The following CDKAL1 variants were observed in gnomAD, a reference collection of about 807,000 sequenced individuals.
CDKAL1 encodes the protein CDKAL1 threonylcarbamoyladenosine tRNA methylthiotransferase.
In CDKAL1, 32 loss-of-function variants were observed where a neutral mutation model predicts 68.2. The observed-to-expected ratio is 0.47, with a 90% CI of 0.35 to 0.63. CDKAL1 has a LOEUF of 0.63. Among genes scored for constraint, CDKAL1 ranks in the 30% least tolerant of loss-of-function variants. CDKAL1 has a pLI of 0.00. For missense variants in CDKAL1, 606 were observed against 696.7 expected (o/e 0.87, Z 1.47); for synonymous variants, 234 against 244.3 (o/e 0.96, Z 0.39).
At chr6:21,206,168 C>G (rs780114085) in intron 15 of CDKAL1, among the ~76,000 whole-genome samples, 25 of 152,142 alleles carry the variant, frequency 1.6e-4, no homozygotes, top group Non-Finnish European at 2.8e-4. Context: ...TCCATACTGC[C>G]TTGCCCATTT....
At chr6:20,977,500 T>G (rs1032854413) in intron 10 of CDKAL1, among the ~76,000 whole-genome samples, 2 of 152,198 alleles carry the variant, frequency 1.3e-5, no homozygotes, top group African/African-American at 4.8e-5. Flanking sequence ...TCTTTGGAAG[T>G]AGAAGTGATG....
chr6:20,735,685 T>G (rs1773159469), intron 5 of CDKAL1, among the ~76,000 whole-genome samples: 1 of 152,234 alleles, frequency 6.6e-6, no homozygotes, highest in African/African-American at 2.4e-5. Context: ...AAAATAAGCT[T>G]TCGCCTATTT....
intron 5 of CDKAL1, among the ~76,000 whole-genome samples, chr6:20,680,163 G>A (rs1220324998): frequency 6.6e-6 from 1 of 151,976 alleles, no homozygotes; most frequent in Non-Finnish European, 1.5e-5. Context: ...CACCTCCCAG[G>A]TCAAGTGTTT....
At chr6:20,947,416 C>A (rs776265623) in intron 9 of CDKAL1, among the ~76,000 whole-genome samples, 1 of 151,976 alleles carries the variant, frequency 6.6e-6, no homozygotes, top group Non-Finnish European at 1.5e-5. Flanking sequence ...CATGGTGAAA[C>A]CCTGTCTCTA....
At chr6:21,098,416 G>A (rs1773420362) in intron 12 of CDKAL1, among the ~76,000 whole-genome samples, 1 of 151,996 alleles carries the variant, frequency 6.6e-6, no homozygotes, top group Admixed American at 6.6e-5. Flanking sequence ...ATAGATTGAA[G>A]TGTTGTGTCA....
chr6:21,192,173 CA>C (rs1390613982), intron 13 of CDKAL1, among the ~76,000 whole-genome samples: 1 of 148,962 alleles, frequency 6.7e-6, no homozygotes, highest in African/African-American at 2.5e-5. Context: ...AGGCGCCCAC[CA>C]CCGCGCCCGG....
At chr6:20,845,004 T>C (rs748456876) in intron 8 of CDKAL1, among the ~76,000 whole-genome samples, 1 of 152,238 alleles carries the variant, frequency 6.6e-6, no homozygotes, top group Non-Finnish European at 1.5e-5. Context: ...CGTTTTAAAA[T>C]GTATGTTACT....
At chr6:21,160,681 G>A (rs1393403038) in intron 13 of CDKAL1, among the ~76,000 whole-genome samples, 1 of 139,390 alleles carries the variant, frequency 7.2e-6, no homozygotes, top group African/African-American at 2.6e-5. Flanking sequence ...GTGTGTGTCT[G>A]TGTCCAAAAA....
intron 13 of CDKAL1, among the ~76,000 whole-genome samples, chr6:21,158,038 T>C (rs1776731801): frequency 6.6e-6 from 1 of 152,360 alleles, no homozygotes; most frequent in Non-Finnish European, 1.5e-5. Flanking sequence ...TTTCTGGCTT[T>C]CCTCTCTGTT....
chr6:21,141,704 G>T (rs908815124), intron 13 of CDKAL1, among the ~76,000 whole-genome samples: 5 of 152,142 alleles, frequency 3.3e-5, no homozygotes, highest in African/African-American at 1.2e-4. Flanking sequence ...TAGGAAGAAG[G>T]GGTAGAGAAA....
chr6:20,928,373 G>A (rs974200937), intron 9 of CDKAL1, among the ~76,000 whole-genome samples: 2 of 152,188 alleles, frequency 1.3e-5, no homozygotes, highest in African/African-American at 4.8e-5. Context: ...TGCAGTGATT[G>A]TAATATCACA....
intron 11 of CDKAL1, among the ~76,000 whole-genome samples, chr6:21,029,557 G>A (rs188729201): frequency 9.9e-4 from 151 of 152,200 alleles, no homozygotes; most frequent in Non-Finnish European, 1.6e-3. Context: ...CTGCAGAATG[G>A]GAGAAAATTT....
At chr6:20,872,532 G>A (rs757373047) in intron 9 of CDKAL1, among the ~76,000 whole-genome samples, 21 of 152,144 alleles carry the variant, frequency 1.4e-4, no homozygotes, top group Non-Finnish European at 2.6e-4. Context: ...CTAGTCTGGA[G>A]AAATAATATG....
At chr6:20,896,127 A>T (rs867546042) in intron 9 of CDKAL1, among the ~76,000 whole-genome samples, 114 of 102,088 alleles carry the variant, frequency 1.1e-3, no homozygotes, top group African/African-American at 4.4e-3. Context: ...TTTGAGATGG[A>T]GTCTTGCTCT....
intron 12 of CDKAL1, among the ~76,000 whole-genome samples, chr6:21,069,315 C>G (rs1771623506): frequency 6.6e-6 from 1 of 152,126 alleles, no homozygotes; most frequent in Non-Finnish European, 1.5e-5. Flanking sequence ...AAGTTCCTTT[C>G]TATTCCTATT....
At chr6:20,553,982 A>C (rs1289775270) in intron 4 of CDKAL1, among the ~76,000 whole-genome samples, 1 of 148,910 alleles carries the variant, frequency 6.7e-6, no homozygotes. Flanking sequence ...ACCATGCCTG[A>C]CTAATTTTTG....
At chr6:20,923,036 A>C (rs1763025363) in intron 9 of CDKAL1, among the ~76,000 whole-genome samples, 1 of 152,192 alleles carries the variant, frequency 6.6e-6, no homozygotes, top group Admixed American at 6.5e-5. Context: ...AGTGATTTTA[A>C]AAGGTATTTG....
intron 5 of CDKAL1, among the ~76,000 whole-genome samples, chr6:20,731,007 A>G (rs1407806897): frequency 6.6e-6 from 1 of 152,170 alleles, no homozygotes; most frequent in African/African-American, 2.4e-5. Flanking sequence ...AGAATGTATC[A>G]GTGGAGAAAC....
At chr6:20,937,018 A>G (rs1763752347) in intron 9 of CDKAL1, among the ~76,000 whole-genome samples, 1 of 152,200 alleles carries the variant, frequency 6.6e-6, no homozygotes, top group Admixed American at 6.5e-5. Flanking sequence ...TAAAAATCCC[A>G]GAGTTACAGA....
Sources: allele counts gnomAD v4.1 joint callset (sites outside exome capture counted in the v4.1 genomes callset), GRCh38; gene constraint gnomAD v4.1.1; transcripts MANE v1.5; gene names NCBI Gene and HGNC (gene_info 2026-07-23, HGNC 2026-07-21).